LURAP1L: variants seen among roughly 807,000 people sequenced by gnomAD.
LURAP1L encodes leucine rich adaptor protein 1 like.
In LURAP1L, 12 loss-of-function variants were observed where a neutral mutation model predicts 13.8. The ratio of observed to expected loss-of-function variants is 0.87; its 90% CI spans 0.56 to 1.41. The LOEUF (loss-of-function observed/expected upper bound fraction) is 1.41, where lower values mean the gene tolerates loss of function less well. LURAP1L is among the 40% of genes most tolerant of loss of function. LURAP1L has a pLI of 0.00. For missense variants in LURAP1L, 375 were observed against 292.9 expected (o/e 1.28, Z -2.04); for synonymous variants, 139 against 119.2 (o/e 1.17, Z -1.08).
intron 1 of LURAP1L, among the ~76,000 whole-genome samples, chr9:12,813,775 C>A (rs992019579): frequency 6.6e-6 from 1 of 152,158 alleles, no homozygotes; most frequent in Non-Finnish European, 1.5e-5. Context: ...AAACAAATTT[C>A]AGTTTAATTA....
At chr9:12,780,428 A>G (rs1341037057) in intron 1 of LURAP1L, among the ~76,000 whole-genome samples, 5 of 152,096 alleles carry the variant, frequency 3.3e-5, no homozygotes, top group Non-Finnish European at 5.9e-5. Context: ...ATTAAACCTG[A>G]ATTATTCATT....
At chr9:12,820,756 T>G (rs951400317) in intron 1 of LURAP1L, among the ~76,000 whole-genome samples, 6 of 152,224 alleles carry the variant, frequency 3.9e-5, no homozygotes, top group Non-Finnish European at 5.9e-5. Flanking sequence ...TATTCAGCAC[T>G]GTCTATGTTG....
intron 1 of LURAP1L, among the ~76,000 whole-genome samples, chr9:12,813,331 A>G (rs1273258441): frequency 2.6e-5 from 4 of 152,096 alleles, no homozygotes; most frequent in East Asian, 1.9e-4. Context: ...ATGGCATCCT[A>G]ATTATTTTAC....
intron 1 of LURAP1L, among the ~76,000 whole-genome samples, chr9:12,817,671 GAACC>G (rs1819822204): frequency 1.3e-5 from 2 of 152,078 alleles, no homozygotes; most frequent in Admixed American, 1.3e-4. Flanking sequence ...CCAACAGAAG[GAACC>G]ACACAGTTTC....
intron 1 of LURAP1L, among the ~76,000 whole-genome samples, chr9:12,818,602 G>C (rs145910813): frequency 8.3e-4 from 127 of 152,334 alleles, no homozygotes; most frequent in African/African-American, 3.0e-3. Context: ...TAACAGGACG[G>C]TAGTGGTGAA....
rs1183723564 is a variant in LURAP1L, at chr9:12,821,460, G to A, written c.387G>A (p.Lys129=). 2 of 1,614,156 alleles carry A rather than the reference G, an allele frequency of 1.2e-6. No homozygotes were observed. The highest frequency in any genetic ancestry group is 3.3e-5 in the Admixed American group (2 of 60,028). Residue 129 remains lysine, a synonymous_variant, in exon 2 of 2, where the codon AAG becomes AAA. Transcript: ENST00000319264. ...LVINESIESI[K]WMIEEKATIT... is the part of the protein sequence containing the mutation. ...TCAATGAGAGCATCGAGTCCATCAA[G>A]TGGATGATCGAAGAAAAAGCCACCA...
At chr9:12,820,609 G>C (rs1168382785) in intron 1 of LURAP1L, among the ~76,000 whole-genome samples, 1 of 148,684 alleles carries the variant, frequency 6.7e-6, no homozygotes, top group African/African-American at 2.5e-5. Context: ...GGGTGCCCCT[G>C]ATATATCTGA....
intron 1 of LURAP1L, among the ~76,000 whole-genome samples, chr9:12,799,818 G>A (rs1320083371): frequency 2.0e-5 from 3 of 149,228 alleles, no homozygotes; most frequent in Non-Finnish European, 4.4e-5. Context: ...AGCTTGCAGT[G>A]AGCTGAGATC....
intron 1 of LURAP1L, among the ~76,000 whole-genome samples, chr9:12,817,139 G>A (rs1329729997): frequency 6.6e-6 from 1 of 152,182 alleles, no homozygotes; most frequent in East Asian, 1.9e-4. Context: ...GTTACTCGGT[G>A]TTTGAATCTG....
In LURAP1L at chr9:12,775,201, T is replaced by C. The variant is rs1170461654; in HGVS notation, c.-515T>C. ...AGGATATCCCGAAAGCTTGGAGGCATATGGCTGGAAAATGAAACGACCCAG... is the reference window on the plus strand; with the variant it reads ...AGGATATCCCGAAAGCTTGGAGGCACATGGCTGGAAAATGAAACGACCCAG... On this transcript the variant is annotated 5_prime_UTR_variant, in exon 1 of 2. Transcript: ENST00000319264. The C allele has an allele frequency of 6.6e-6, 1 of 152,518 alleles. No individual in the cohort carries two copies. The highest frequency in any genetic ancestry group is 2.1e-4 in the South Asian group (1 of 4,836). 9.4% of individuals were successfully genotyped at this position (152,518 alleles called of 1,614,324 possible). A position where few individuals can be genotyped will look rare whatever the true frequency, so the allele number is the denominator to read the frequency against.
chr9:12,797,935 T>C (rs920581333), intron 1 of LURAP1L, among the ~76,000 whole-genome samples: 2 of 152,164 alleles, frequency 1.3e-5, no homozygotes, highest in Non-Finnish European at 1.5e-5. Flanking sequence ...GAATTATATT[T>C]ATGGAACCAA....
chr9:12,783,212 C>T (rs1468314624), intron 1 of LURAP1L, among the ~76,000 whole-genome samples: 1 of 151,926 alleles, frequency 6.6e-6, no homozygotes, highest in Non-Finnish European at 1.5e-5. Context: ...TTTTTCTTGT[C>T]TGATTGCTCT....
rs147421879 is a variant in LURAP1L, at chr9:12,793,576, G to A, written c.312+17549G>A. On this transcript the variant is annotated intron_variant, in intron 1 of 1. Coordinates refer to ENST00000319264, the MANE Select transcript of LURAP1L (RefSeq NM_203403.2). ...ATAAGAGACTAATTTTGTAAAAGGTGGAACACATATTCAGTGAAGCAATTG... is the reference window on the plus strand; with the variant it reads ...ATAAGAGACTAATTTTGTAAAAGGTAGAACACATATTCAGTGAAGCAATTG... Among the ~76,000 whole-genome samples the A allele has an allele frequency of 7.5e-4, 114 of 152,120 alleles. 1 individual carries two copies. The East Asian group carries it at 0.021, about 28-fold the overall frequency.
At chr9:12,786,507 C>T (rs547620469) in intron 1 of LURAP1L, among the ~76,000 whole-genome samples, 2 of 126,894 alleles carry the variant, frequency 1.6e-5, no homozygotes, top group African/African-American at 3.0e-5. Context: ...TTAATGAACC[C>T]TCTAAAATTA....
At chr9:12,783,842 T>A (rs564875985) in intron 1 of LURAP1L, among the ~76,000 whole-genome samples, 9 of 150,834 alleles carry the variant, frequency 6.0e-5, no homozygotes, top group South Asian at 2.1e-4. Context: ...TTTTTTTTTT[T>A]AATAATTTTG....
intron 1 of LURAP1L, among the ~76,000 whole-genome samples, chr9:12,782,474 G>T (rs183014595): frequency 6.6e-6 from 1 of 152,184 alleles, no homozygotes; most frequent in Non-Finnish European, 1.5e-5. Context: ...AGTTTTGGCA[G>T]TACCATTTAT....
chr9:12,822,568 A>C lies in LURAP1L; in HGVS notation c.*808A>C, dbSNP rs1025183038. Among the ~76,000 whole-genome samples the C allele has an allele frequency of 1.2e-4, 18 of 152,210 alleles. No individual in the cohort carries two copies. Among genetic ancestry groups the C allele is most frequent in the African/African-American group, 4.3e-4 (18 of 41,454 alleles). On this transcript the variant is annotated 3_prime_UTR_variant, in exon 2 of 2. Transcript: ENST00000319264. ...CTTGTATGTATTTTGTGATTCTGAT[A>C]GGATGTATAAATACTTAGATGCATA... is the stretch of plus-strand genomic sequence containing the variant.
chr9:12,794,719 T>C (rs1819489273), intron 1 of LURAP1L, among the ~76,000 whole-genome samples: 1 of 151,918 alleles, frequency 6.6e-6, no homozygotes, highest in South Asian at 2.1e-4. Flanking sequence ...CTGAGACAGA[T>C]GGAAACTCTC....
At chr9:12,785,289 C>G (rs1462365958) in intron 1 of LURAP1L, among the ~76,000 whole-genome samples, 1 of 152,082 alleles carries the variant, frequency 6.6e-6, no homozygotes, top group African/African-American at 2.4e-5. Flanking sequence ...CAGAAGGTGT[C>G]TCTGCCAAAA....
Sources: gnomAD v4.1 joint callset for allele counts (sites outside exome capture counted in the v4.1 genomes callset) on GRCh38, gnomAD v4.1.1 for gene constraint, MANE v1.5 for transcripts, NCBI Gene and HGNC (gene_info 2026-07-23, HGNC 2026-07-21) for gene names.